EPHB1: variants seen among roughly 807,000 people sequenced by gnomAD.
EPHB1 encodes the protein EPH receptor B1.
Under a neutral mutation model 94.4 loss-of-function variants are expected in EPHB1, and 30 were observed. That is an observed-to-expected ratio of 0.32 (90% CI 0.24 to 0.43). EPHB1 has a LOEUF of 0.43. Ranked by LOEUF, EPHB1 falls within the 20% of genes least tolerant of loss-of-function variation. The pLI, the probability that EPHB1 is intolerant of heterozygous loss-of-function variation, is 1.00. For synonymous variants in EPHB1, 522 were observed against 489.1 expected (o/e 1.07, Z -0.89); for missense variants, 1,055 against 1,308.3 (o/e 0.81, Z 2.99).
At chr3:134,964,404 C>T (rs980610682) in intron 3 of EPHB1, among the ~76,000 whole-genome samples, 1 of 152,302 alleles carries the variant, frequency 6.6e-6, no homozygotes, top group Admixed American at 6.5e-5. Flanking sequence ...ATGAAACTCA[C>T]TAAAAGTTGG....
At chr3:135,122,444 AG>A (rs1940007799) in intron 4 of EPHB1, among the ~76,000 whole-genome samples, 1 of 152,228 alleles carries the variant, frequency 6.6e-6, no homozygotes, top group African/African-American at 2.4e-5. Context: ...GGGGATTTTC[AG>A]GGGTGGCAGC....
chr3:134,848,380 A>G (rs958438920), intron 1 of EPHB1, among the ~76,000 whole-genome samples: 2 of 152,250 alleles, frequency 1.3e-5, no homozygotes, highest in African/African-American at 4.8e-5. Context: ...ATATGTTTAT[A>G]GTGTTGTTAA....
chr3:134,951,877 G>A lies in EPHB1; in HGVS notation c.630G>A (p.Met210Ile). Residue 210 changes from methionine to isoleucine, a missense_variant, in exon 3 of 16, where the codon ATG becomes ATA. Physicochemically the swap from Met to Ile is conservative, Grantham distance 10. Coordinates refer to ENST00000398015, the MANE Select transcript of EPHB1 (RefSeq NM_004441.5). This position sits in a 1 kb window ranked among gnomAD's most constrained non-coding sequence, Gnocchi z 4.5. ...ATTTTGCAGTGTTTCCAGAGACTAT[G>A]ACAGGGGCAGAGAGCACATCTCTGG... Reference protein sequence around the residue: ...VQNFAVFPETMTGAESTSLVI... With the variant: ...VQNFAVFPETITGAESTSLVI... 2 of 1,614,024 alleles carry A rather than the reference G, an allele frequency of 1.2e-6. No homozygotes were observed. Among genetic ancestry groups the A allele is most frequent in the Middle Eastern group, 3.3e-4 (2 of 6,062 alleles).
At chr3:135,012,545 T>G (rs1387947634) in intron 3 of EPHB1, among the ~76,000 whole-genome samples, 1 of 152,254 alleles carries the variant, frequency 6.6e-6, no homozygotes, top group Non-Finnish European at 1.5e-5. Flanking sequence ...ACAGAGGACA[T>G]AGAGAGCTTC....
chr3:134,999,585 C>G (rs1935109554), intron 3 of EPHB1, among the ~76,000 whole-genome samples: 3 of 152,160 alleles, frequency 2.0e-5, no homozygotes, highest in Non-Finnish European at 2.9e-5. Flanking sequence ...CTGCTCACTC[C>G]TCACCTCCTG....
intron 12 of EPHB1, among the ~76,000 whole-genome samples, chr3:135,204,081 G>T (rs1942832192): frequency 6.6e-6 from 1 of 152,034 alleles, no homozygotes; most frequent in Non-Finnish European, 1.5e-5. Flanking sequence ...TTTTGATACG[G>T]GCATGCAATG....
chr3:135,249,306 G>T (rs756318113), intron 14 of EPHB1, 30 bp from the exon 15 acceptor site: 1 of 1,593,698 alleles, frequency 6.3e-7, no homozygotes, highest in Admixed American at 1.7e-5. Flanking sequence ...TCTGCAATGT[G>T]TGGTCACCTG....
At position 134,816,808 on chromosome 3, in the gene EPHB1, C is replaced by T. The variant is rs76881371; in HGVS notation, c.58+21119C>T. Among the ~76,000 whole-genome samples the T allele has an allele frequency of 7.6e-3, 1,147 of 151,896 alleles. 10 individuals are homozygous for T. The highest frequency in any genetic ancestry group is 0.026 in the African/African-American group (1,089 of 41,414). ...TGATATTCAGGCACGTGTGCTGGGGCGATGTTCAGTAACCTGACATGACGT... is the reference window on the plus strand; with the variant it reads ...TGATATTCAGGCACGTGTGCTGGGGTGATGTTCAGTAACCTGACATGACGT... On this transcript the variant is annotated intron_variant, in intron 1 of 15. Transcript: ENST00000398015.
intron 4 of EPHB1, among the ~76,000 whole-genome samples, chr3:135,124,191 T>A (rs1940100335): frequency 6.6e-6 from 1 of 151,730 alleles, no homozygotes; most frequent in Non-Finnish European, 1.5e-5. Flanking sequence ...GCCGGTCCTT[T>A]GGGCTGGGGA....
At chr3:135,063,161 G>A (rs149805146) in intron 3 of EPHB1, among the ~76,000 whole-genome samples, 4 of 151,864 alleles carry the variant, frequency 2.6e-5, no homozygotes, top group Non-Finnish European at 5.9e-5. Context: ...CTTGCTTTGG[G>A]TATGTGGGCT....
chr3:135,178,734 C>G (rs1302665293), intron 9 of EPHB1, among the ~76,000 whole-genome samples: 1 of 152,110 alleles, frequency 6.6e-6, no homozygotes, highest in Non-Finnish European at 1.5e-5. Context: ...GGCCTAACCT[C>G]AGCCTTGGGC....
At chr3:135,182,597 T>A (rs1482111614) in intron 10 of EPHB1, among the ~76,000 whole-genome samples, 1 of 152,218 alleles carries the variant, frequency 6.6e-6, no homozygotes, top group Admixed American at 6.5e-5. Flanking sequence ...TCCAGCTTGC[T>A]GTTCTTGGAG....
intron 5 of EPHB1, among the ~76,000 whole-genome samples, chr3:135,138,460 T>C (rs1940700362): frequency 6.6e-6 from 1 of 152,256 alleles, no homozygotes; most frequent in Non-Finnish European, 1.5e-5. Context: ...TGAAAAGGAA[T>C]TTTATGATAT....
chr3:134,972,868 C>G (rs78337601), intron 3 of EPHB1, among the ~76,000 whole-genome samples: 2,489 of 152,190 alleles, frequency 0.016, 46 homozygotes, highest in African/African-American at 0.045. Context: ...GGCCAAATGG[C>G]CGTCCTGCCT....
At chr3:135,026,390 A>G (rs1382174437) in intron 3 of EPHB1, among the ~76,000 whole-genome samples, 2 of 149,220 alleles carry the variant, frequency 1.3e-5, no homozygotes, top group Admixed American at 6.7e-5. Context: ...TGATTTTTGT[A>G]TATGGTGTAA....
chr3:135,259,117 A>G lies in EPHB1; in HGVS notation c.2952A>G (p.Ala984=). 1 of 1,605,608 alleles carries G rather than the reference A, an allele frequency of 6.2e-7. No individual in the cohort carries two copies. Among genetic ancestry groups the G allele is most frequent in the Non-Finnish European group, 8.5e-7 (1 of 1,175,832 alleles). ...VQISQSPTAM[A] ...TAAGTCAGTCACCAACGGCAATGGC[A>G]TGAGAACTCTTGTTTCTTGGGGAAG... Residue 984 remains alanine, a synonymous_variant, in exon 16 of 16, where the codon GCA becomes GCG. Coordinates refer to ENST00000398015, the MANE Select transcript of EPHB1 (RefSeq NM_004441.5).
At chr3:134,987,408 A>G (rs1201243351) in intron 3 of EPHB1, among the ~76,000 whole-genome samples, 1 of 152,136 alleles carries the variant, frequency 6.6e-6, no homozygotes, top group Non-Finnish European at 1.5e-5. Context: ...TGGGACTTTA[A>G]TCCAGTGTCT....
chr3:134,918,148 A>T (rs1409188665), intron 1 of EPHB1, among the ~76,000 whole-genome samples: 1 of 152,244 alleles, frequency 6.6e-6, no homozygotes, highest in African/African-American at 2.4e-5. Context: ...ATATAAAGTG[A>T]TAACGAAAAC....
At chr3:134,877,770 C>A (rs1018093098) in intron 1 of EPHB1, among the ~76,000 whole-genome samples, 1 of 152,178 alleles carries the variant, frequency 6.6e-6, no homozygotes, top group African/African-American at 2.4e-5. Flanking sequence ...TACCTGCAGC[C>A]TGTCATACCC....
Sources: gnomAD v4.1 joint callset for allele counts (sites outside exome capture counted in the v4.1 genomes callset) on GRCh38, gnomAD v4.1.1 for gene constraint, Gnocchi (gnomAD v3.1) non-coding constraint, MANE v1.5 for transcripts, NCBI Gene and HGNC (gene_info 2026-07-23, HGNC 2026-07-21) for gene names.